Variants in ARB2A observed in about 807,000 individuals in gnomAD.
ARB2A encodes the protein cotranscriptional regulator ARB2A.
chr5:93,921,541 T>C, the ARB2A span, among the ~76,000 whole-genome samples: 4 of 152,008 alleles, frequency 2.6e-5, no homozygotes, highest in Admixed American at 6.6e-5. Context: ...GAAGAAAGGA[T>C]ATCTGCCTAA....
At chr5:94,048,321 G>A in the ARB2A span, among the ~76,000 whole-genome samples, 1 of 151,888 alleles carries the variant, frequency 6.6e-6, no homozygotes, top group Non-Finnish European at 1.5e-5. Flanking sequence ...CCAAAGTGCT[G>A]GTATTACAGG....
At chr5:93,778,212 G>GT in the ARB2A span, among the ~76,000 whole-genome samples, 1 of 152,108 alleles carries the variant, frequency 6.6e-6, no homozygotes, top group Non-Finnish European at 1.5e-5. Flanking sequence ...ATTACACAAT[G>GT]TAAGAGTAGA....
chr5:93,672,831 A>G, the ARB2A span, among the ~76,000 whole-genome samples: 1 of 152,164 alleles, frequency 6.6e-6, no homozygotes, highest in South Asian at 2.1e-4. Context: ...CTTTAATAGA[A>G]AATTATAGAA....
the ARB2A span, among the ~76,000 whole-genome samples, chr5:93,839,635 G>A: frequency 2.0e-4 from 30 of 151,848 alleles, no homozygotes; most frequent in Non-Finnish European, 3.2e-4. Context: ...GAATTTGGCT[G>A]TAGATCATTC....
the ARB2A span, among the ~76,000 whole-genome samples, chr5:93,988,563 C>G: frequency 6.6e-6 from 1 of 152,160 alleles, no homozygotes. Context: ...CTTCCTAACA[C>G]TTAAATAATT....
chr5:93,663,149 A>G, the ARB2A span, among the ~76,000 whole-genome samples: 1 of 152,166 alleles, frequency 6.6e-6, no homozygotes, highest in Non-Finnish European at 1.5e-5. Context: ...ACATATTCAA[A>G]TCACAGCACC....
At chr5:93,839,045 T>C in the ARB2A span, among the ~76,000 whole-genome samples, 1 of 152,290 alleles carries the variant, frequency 6.6e-6, no homozygotes, top group African/African-American at 2.4e-5. Flanking sequence ...TTCTCTTGCC[T>C]GATTACTCTG....
chr5:93,823,520 T>C, the ARB2A span, among the ~76,000 whole-genome samples: 3 of 152,196 alleles, frequency 2.0e-5, no homozygotes, highest in Non-Finnish European at 2.9e-5. Context: ...GTATTCAAAA[T>C]GTCTCTTGAC....
At chr5:93,629,425 A>C in the ARB2A span, among the ~76,000 whole-genome samples, 6 of 152,214 alleles carry the variant, frequency 3.9e-5, no homozygotes, top group African/African-American at 1.4e-4. Flanking sequence ...GGGCGGTAAC[A>C]GGCTTGCTTG....
At chr5:93,778,676 T>A in the ARB2A span, among the ~76,000 whole-genome samples, 1 of 152,194 alleles carries the variant, frequency 6.6e-6, no homozygotes. Context: ...CCAAATCTGA[T>A]GAAAGTCAGC....
chr5:93,757,396 CA>C, the ARB2A span, among the ~76,000 whole-genome samples: 1 of 152,026 alleles, frequency 6.6e-6, no homozygotes, highest in South Asian at 2.1e-4. Context: ...AAATTCATCA[CA>C]AAAAAGTTCT....
At chr5:93,922,560 A>C in the ARB2A span, among the ~76,000 whole-genome samples, 42 of 138,872 alleles carry the variant, frequency 3.0e-4, no homozygotes, top group African/African-American at 1.1e-3. Context: ...CTGTAATCCC[A>C]GGAAAGAAGG....
At chr5:93,993,943 T>C in the ARB2A span, among the ~76,000 whole-genome samples, 1 of 152,080 alleles carries the variant, frequency 6.6e-6, no homozygotes, top group Non-Finnish European at 1.5e-5. Context: ...GAAAGAATTA[T>C]AACAAAATAA....
chr5:93,861,234 A>G, the ARB2A span: 1 of 151,926 alleles, frequency 6.6e-6, no homozygotes, highest in Non-Finnish European at 1.5e-5. Flanking sequence ...GTCTTTGCTT[A>G]TATAATTTCT....
At chr5:93,804,757 G>A in the ARB2A span, 1 of 400,720 alleles carries the variant, frequency 2.5e-6, no homozygotes, top group Non-Finnish European at 3.4e-6. Context: ...TAATATATCT[G>A]TTTTATTCCT....
the ARB2A span, among the ~76,000 whole-genome samples, chr5:94,056,247 GCTTTGCT>G: frequency 6.6e-6 from 1 of 152,252 alleles, no homozygotes; most frequent in South Asian, 2.1e-4. Flanking sequence ...ATGTGCTTTG[GCTTTGCT>G]CAAAATGTTC....
chr5:93,777,324 T>A, the ARB2A span, among the ~76,000 whole-genome samples: 2 of 151,956 alleles, frequency 1.3e-5, no homozygotes, highest in Admixed American at 1.3e-4. Flanking sequence ...TAAAAAAAAA[T>A]CACCATCTGG....
At chr5:94,081,551 T>C in the ARB2A span, among the ~76,000 whole-genome samples, 1 of 152,088 alleles carries the variant, frequency 6.6e-6, no homozygotes, top group African/African-American at 2.4e-5. Context: ...TAAATGAAAA[T>C]ATTATGTGCT....
At chr5:93,958,931 A>C in the ARB2A span, 1 of 1,603,992 alleles carries the variant, frequency 6.2e-7, no homozygotes, top group Non-Finnish European at 8.5e-7. Context: ...CTCACTCATA[A>C]AGATAAAACT....
Sources: allele counts gnomAD v4.1 joint callset (sites outside exome capture counted in the v4.1 genomes callset), GRCh38; gene constraint gnomAD v4.1.1; transcripts MANE v1.5; gene names NCBI Gene and HGNC (gene_info 2026-07-23, HGNC 2026-07-21).